Variants in TEF observed in about 807,000 individuals in gnomAD.
The protein encoded by TEF is thyrotroph embryonic factor.
TEF carries 3 observed loss-of-function variants against 20.8 expected under a neutral mutation model. The observed-to-expected ratio is 0.14, with a 90% CI of 0.07 to 0.37. The LOEUF (loss-of-function observed/expected upper bound fraction) is 0.37. Ranked by LOEUF, TEF falls within the 10% of genes least tolerant of loss-of-function variation. The pLI is 1.00. For synonymous variants in TEF, 180 were observed against 171.1 expected (o/e 1.05, Z -0.41); for missense variants, 296 against 397.9 (o/e 0.74, Z 2.18).
Position 41,397,378 on chromosome 22 carries a change from C to T in TEF, c.*1418C>T, listed in dbSNP as rs1189696231. On this transcript the variant is annotated 3_prime_UTR_variant, in exon 4 of 4. Coordinates refer to ENST00000266304, the MANE Select transcript of TEF (RefSeq NM_003216.4). ...TGGAAGCCTCTGCTCATTTGGGTCA[C>T]TGGGACACCCCTGAGATGGGTGTGT... 1.2e-5 allele frequency: 4 copies of T among 338,396 alleles called. No individual in the cohort carries two copies. The highest frequency in any genetic ancestry group is 1.6e-5 in the Non-Finnish European group (3 of 188,012). 21.0% of individuals were successfully genotyped at this position (338,396 alleles called of 1,614,324 possible).
chr22:41,394,120 A>G lies in TEF; in HGVS notation c.500A>G (p.Glu167Gly), dbSNP rs146497582. The G allele has an allele frequency of 8.1e-6, 13 of 1,613,890 alleles. No individual in the cohort carries two copies. The African/African-American group carries it at 1.7e-4, about 22-fold the overall frequency. Reference sequence around the variant, plus strand: ...GAATCTTCCCTGGAGAAGGAGAGGGAGACTCCCAGTCCCATCGACCCCAAT... The same window carrying G: ...GAATCTTCCCTGGAGAAGGAGAGGGGGACTCCCAGTCCCATCGACCCCAAT... ...STESSLEKER[E>G]TPSPIDPNCV... The change falls in exon 3 of 4, where the codon GAG becomes GGG. Residue 167 changes from glutamate (E) to glycine (G), a missense_variant. By Grantham distance (98) the Glu-to-Gly change is moderately conservative. Transcript: ENST00000266304.
At chr22:41,369,694 A>G (rs2036858322) in intron 1 of TEF, among the ~76,000 whole-genome samples, 1 of 152,202 alleles carries the variant, frequency 6.6e-6, no homozygotes, top group African/African-American at 2.4e-5. Context: ...ATGATTACAG[A>G]ATTACTTGCC....
intron 1 of TEF, among the ~76,000 whole-genome samples, chr22:41,374,500 C>T (rs539381914): frequency 1.3e-5 from 2 of 151,042 alleles, no homozygotes; most frequent in Admixed American, 6.6e-5. Flanking sequence ...TGCAGTGAGC[C>T]GAGATCGCGC....
chr22:41,398,554 T>C lies in TEF; in HGVS notation c.*2594T>C, dbSNP rs1389537331. On this transcript the variant is annotated 3_prime_UTR_variant, in exon 4 of 4. Transcript: ENST00000266304. ...GAACTTTGCAAGAATATTCATATTATAAATGTCTCATCTGATGGAGGAACG... is the reference window on the plus strand; with the variant it reads ...GAACTTTGCAAGAATATTCATATTACAAATGTCTCATCTGATGGAGGAACG... 2 of 153,688 alleles carry C rather than the reference T, an allele frequency of 1.3e-5. No individual in the cohort carries two copies. The highest frequency in any genetic ancestry group is 2.4e-5 in the African/African-American group (1 of 41,466). The allele number at this position is 153,688 out of a possible 1,614,324, so 9.5% of individuals were successfully genotyped here.
At chr22:41,379,110 G>T (rs2036982331), upstream of TEF, among the ~76,000 whole-genome samples, 1 of 152,156 alleles carries the variant, frequency 6.6e-6, no homozygotes, top group African/African-American at 2.4e-5. Flanking sequence ...GGAGACGCGG[G>T]TGGATCACCT....
chr22:41,381,191 G>A (rs997458422), upstream of TEF, among the ~76,000 whole-genome samples: 6 of 152,254 alleles, frequency 3.9e-5, no homozygotes, highest in African/African-American at 1.4e-4. Context: ...CCCCGGCCCT[G>A]CCCTCAGGCG....
At chr22:41,382,257 G>T in intron 1 of TEF, 56 bp downstream of exon 1, 1 of 1,152,292 alleles carries the variant, frequency 8.7e-7, no homozygotes, top group African/African-American at 1.6e-5. Flanking sequence ...ACAGGGGCGG[G>T]GCCTCGTGAG....
At chr22:41,381,399 C>T (rs2037019365), upstream of TEF, among the ~76,000 whole-genome samples, 1 of 152,116 alleles carries the variant, frequency 6.6e-6, no homozygotes, top group East Asian at 1.9e-4. Flanking sequence ...CGCCTTCCTC[C>T]TCTGCCCCCT....
chr22:41,383,009 C>G (rs973911735), intron 1 of TEF: 2 of 470,940 alleles, frequency 4.2e-6, no homozygotes, highest in Non-Finnish European at 8.8e-6. Context: ...GTTTTTCGCC[C>G]TGGGAGATGG....
intron 1 of TEF, among the ~76,000 whole-genome samples, chr22:41,385,119 T>C (rs141529713): frequency 0.035 from 5,398 of 152,186 alleles, 313 homozygotes; most frequent in African/African-American, 0.12. Context: ...ATCCCAGCAC[T>C]TTGGGAGGCC....
intron 1 of TEF, among the ~76,000 whole-genome samples, chr22:41,367,912 G>A (rs774648847): frequency 6.6e-6 from 1 of 152,146 alleles, no homozygotes; most frequent in African/African-American, 2.4e-5. Context: ...GCTGGATGCT[G>A]ACTGCTTTTG....
chr22:41,380,916 CTGTT>C (rs1348583792), upstream of TEF, among the ~76,000 whole-genome samples: 1 of 152,230 alleles, frequency 6.6e-6, no homozygotes, highest in Non-Finnish European at 1.5e-5. Flanking sequence ...AATTTCACAT[CTGTT>C]TGGGACTGTG....
intron 1 of TEF, among the ~76,000 whole-genome samples, chr22:41,384,565 T>A (rs1419031369): frequency 1.3e-5 from 2 of 152,318 alleles, no homozygotes; most frequent in Non-Finnish European, 1.5e-5. Flanking sequence ...CTCCAGGCCC[T>A]TTCTAATAAA....
chr22:41,368,788 A>T (rs2036848824), intron 1 of TEF, among the ~76,000 whole-genome samples: 1 of 152,136 alleles, frequency 6.6e-6, no homozygotes. Flanking sequence ...CTCTGAGAAG[A>T]GTGTCACAGA....
At chr22:41,379,411 G>A (rs1360830505), upstream of TEF, among the ~76,000 whole-genome samples, 1 of 152,178 alleles carries the variant, frequency 6.6e-6, no homozygotes, top group Non-Finnish European at 1.5e-5. Flanking sequence ...GGAGGCTGAG[G>A]CAGGAGAATC....
At chr22:41,389,892 C>G (rs1417530076) in intron 2 of TEF, among the ~76,000 whole-genome samples, 1 of 151,966 alleles carries the variant, frequency 6.6e-6, no homozygotes, top group Non-Finnish European at 1.5e-5. Context: ...CATGAACATT[C>G]ATGTGCATGT....
chr22:41,389,436 A>C (rs1039434422), intron 2 of TEF, among the ~76,000 whole-genome samples: 1 of 151,512 alleles, frequency 6.6e-6, no homozygotes, highest in Non-Finnish European at 1.5e-5. Flanking sequence ...CCTGGCCAAC[A>C]TGGTGAAACC....
chr22:41,367,578 C>A lies in TEF; in HGVS notation c.46C>A (p.Pro16Thr), dbSNP rs1285772005. The change falls in exon 1 of 4, where the codon CCT becomes ACT. Residue 16 changes from proline (P) to threonine (T), a missense_variant. Physicochemically the swap from Pro to Thr is conservative, Grantham distance 38. Transcript: ENST00000406644. ...CAAGTCCCTGCTGGAGCACTCTCTG[C>A]CTTGGCCAGAGAAGAGAACAGGTAG... 8.4e-6 allele frequency: 13 copies of A among 1,551,392 alleles called. No homozygotes were observed. The East Asian group carries it at 3.2e-4, about 38-fold the overall frequency.
chr22:41,388,153 C>T lies in TEF; in HGVS notation c.475+485C>T, dbSNP rs193138825. ...CTGGGATTACAGGCACCAGCCACCA[C>T]GCCTGGCTAATTTTTTTATTTTTTA... On this transcript the variant is annotated intron_variant, in intron 2 of 3. Coordinates refer to ENST00000266304, the MANE Select transcript of TEF (RefSeq NM_003216.4). 2.6e-3 allele frequency among the ~76,000 whole-genome samples: 394 copies of T among 151,780 alleles called. 1 individual carries two copies. The highest frequency in any genetic ancestry group is 4.1e-3 in the Non-Finnish European group (279 of 67,890).
Sources: allele counts gnomAD v4.1 joint callset (sites outside exome capture counted in the v4.1 genomes callset), GRCh38; gene constraint gnomAD v4.1.1; transcripts MANE v1.5; gene names NCBI Gene and HGNC (gene_info 2026-07-23, HGNC 2026-07-21).